The following NDC1 variants were observed in gnomAD, a reference collection of about 807,000 sequenced individuals.
NDC1 encodes NDC1 transmembrane nucleoporin.
Under a neutral mutation model 89.8 loss-of-function variants are expected in NDC1, and 24 were observed. The ratio of observed to expected loss-of-function variants is 0.27; its 90% CI spans 0.19 to 0.38. The LOEUF (loss-of-function observed/expected upper bound fraction) is 0.38, where lower values mean the gene tolerates loss of function less well. NDC1 is among the 10% of genes least tolerant of loss of function. NDC1 has a pLI of 1.00. For synonymous variants in NDC1, 296 were observed against 284.8 expected, an observed-to-expected ratio of 1.04 and a Z score of -0.39; for missense variants, 728 against 797.6, an observed-to-expected ratio of 0.91 and a Z score of 1.05.
At chr1:53,835,164 C>T (rs1052580480) in intron 2 of NDC1, among the ~76,000 whole-genome samples, 3 of 152,140 alleles carry the variant, frequency 2.0e-5, no homozygotes, top group African/African-American at 4.8e-5. Context: ...AATTTCGAAT[C>T]GATGACAGGA....
intron 2 of NDC1, among the ~76,000 whole-genome samples, chr1:53,833,011 C>T (rs1649113815): frequency 6.6e-6 from 1 of 151,782 alleles, no homozygotes; most frequent in Non-Finnish European, 1.5e-5. Flanking sequence ...GACCTTGTTT[C>T]AAAAACAAAG....
rs151303092 is a variant in NDC1, at chr1:53,825,872, C to G, written c.520G>C (p.Ala174Pro). 1.6e-5 allele frequency: 26 copies of G among 1,611,334 alleles called. No homozygotes were observed. The highest frequency in any genetic ancestry group is 1.5e-4 in the Admixed American group (9 of 59,496). ...EYHLFFLLTG[A>P]FMGYSYSLLY... ...AGGCTATAGCTATAGCCCATAAATG[C>G]TCCAGTCAGTAGGAAAAAAAGATGA... is the stretch of plus-strand genomic sequence containing the variant. Residue 174 changes from alanine to proline, a missense_variant, in exon 5 of 18, where the codon GCA becomes CCA. Physicochemically the swap from Ala to Pro is conservative, Grantham distance 27 (BLOSUM62 -1). Transcript: ENST00000371429.
At chr1:53,784,249 A>G (rs1185798021) in intron 16 of NDC1, among the ~76,000 whole-genome samples, 3 of 151,792 alleles carry the variant, frequency 2.0e-5, no homozygotes, top group Admixed American at 6.6e-5. Context: ...ACACACACAC[A>G]CGCACACACT....
intron 15 of NDC1, among the ~76,000 whole-genome samples, chr1:53,788,286 T>TC (rs1462761599): frequency 2.6e-5 from 4 of 152,050 alleles, no homozygotes; most frequent in African/African-American, 7.2e-5. Flanking sequence ...ACAGCAAGAC[T>TC]CCATCTCTTC....
chr1:53,799,646 T>C (rs1204721477), intron 11 of NDC1, among the ~76,000 whole-genome samples: 1 of 152,198 alleles, frequency 6.6e-6, no homozygotes, highest in Admixed American at 6.5e-5. Flanking sequence ...GAAGTTCACA[T>C]ATGGGATCCA....
Position 53,809,697 on chromosome 1 carries a change from A to T in NDC1, c.753T>A (p.Asp251Glu). ...TAGACTTTTTAGGTATCACTTACTCATCTATGTGAAGGTTCATAGCAGTGC... is the reference window on the plus strand; with the variant it reads ...TAGACTTTTTAGGTATCACTTACTCTTCTATGTGAAGGTTCATAGCAGTGC... ...WISTAMNLHI[D>E]EQVHRPLDTV... Residue 251 changes from aspartate (D) to glutamate (E), a missense_variant and splice_region_variant, in exon 7 of 18, where the codon GAT becomes GAA. By Grantham distance (45) the Asp-to-Glu change is conservative. Transcript: ENST00000371429. The T allele has an allele frequency of 6.2e-7, 1 of 1,605,146 alleles. No individual in the cohort carries two copies. Among genetic ancestry groups the T allele is most frequent in the Non-Finnish European group, 8.5e-7 (1 of 1,172,322 alleles).
intron 16 of NDC1, among the ~76,000 whole-genome samples, chr1:53,772,955 C>T (rs923547784): frequency 6.6e-6 from 1 of 151,616 alleles, no homozygotes; most frequent in African/African-American, 2.4e-5. Context: ...GTTACCAGGC[C>T]CCCCCCAAAA....
rs747333745 is a variant in NDC1 at position 53,819,088 on chromosome 1, A to G, written c.595-9T>C. 101 of 1,083,756 alleles carry G rather than the reference A, an allele frequency of 9.3e-5. No individual in the cohort carries two copies. The highest frequency in any genetic ancestry group is 1.2e-4 in the Non-Finnish European group (90 of 759,796). 67.1% of individuals were successfully genotyped at this position (1,083,756 alleles called of 1,614,324 possible). A position where few individuals can be genotyped will look rare whatever the true frequency, so the allele number is the denominator to read the frequency against. ...CGCAAGAACTTGTATTGCTGTGGGG[A>G]AAAAAAAAAGAATCAAATGACACAT... On this transcript the variant is annotated splice_polypyrimidine_tract_variant and intron_variant, in intron 5 of 17. Coordinates refer to ENST00000371429, the MANE Select transcript of NDC1 (RefSeq NM_018087.5).
intron 10 of NDC1, among the ~76,000 whole-genome samples, chr1:53,802,883 TA>T (rs1345885624): frequency 6.6e-6 from 1 of 152,104 alleles, no homozygotes; most frequent in Admixed American, 6.5e-5. Flanking sequence ...AATTTTTTTT[TA>T]AAAGGAGGCA....
In NDC1 at chr1:53,838,255, T is replaced by C. The variant is rs1649308125; in HGVS notation, c.7A>G (p.Thr3Ala). The C allele has an allele frequency of 6.5e-7, 1 of 1,537,112 alleles. No homozygotes were observed. The highest frequency in any genetic ancestry group is 1.4e-5 in the African/African-American group (1 of 72,724). The part of the protein sequence containing the change: MA[T>A]AVSRPCAGRS... ...CCGGCGCAGGGCCGGCTCACGGCCG[T>C]GGCCATGGAGATGGCGGCCCCTAGT... Residue 3 changes from threonine to alanine, a missense_variant, in exon 1 of 18, where the codon ACG becomes GCG. By Grantham distance (58) the Thr-to-Ala change is moderately conservative. Coordinates refer to ENST00000371429, the MANE Select transcript of NDC1 (RefSeq NM_018087.5).
rs1324512824 is a variant in NDC1 at position 53,767,504 on chromosome 1, C to A, written c.*466G>T. ...TTTTGTGAATATTGCTGCACTGTTACCATTTTTATCCTTCAGTAAATGAAA... is the reference window on the plus strand; with the variant it reads ...TTTTGTGAATATTGCTGCACTGTTAACATTTTTATCCTTCAGTAAATGAAA... On this transcript the variant is annotated 3_prime_UTR_variant, in exon 18 of 18. Transcript: ENST00000371429. 3.3e-5 allele frequency: 5 copies of A among 152,232 alleles called. No homozygotes were observed. The highest frequency in any genetic ancestry group is 1.2e-4 in the African/African-American group (5 of 41,418). 9.4% of individuals were successfully genotyped at this position (152,232 alleles called of 1,614,324 possible).
At chr1:53,830,425 G>T (rs1289017618) in intron 3 of NDC1, among the ~76,000 whole-genome samples, 1 of 152,094 alleles carries the variant, frequency 6.6e-6, no homozygotes, top group Non-Finnish European at 1.5e-5. Flanking sequence ...CTGCACTCCA[G>T]CCTGGGCGAC....
intron 5 of NDC1, among the ~76,000 whole-genome samples, chr1:53,825,463 G>C (rs917774951): frequency 8.6e-6 from 1 of 115,632 alleles, no homozygotes; most frequent in African/African-American, 5.3e-5. Flanking sequence ...CAAAAAAAAA[G>C]AAGCTACACA....
intron 16 of NDC1, among the ~76,000 whole-genome samples, chr1:53,776,600 A>G (rs1260960022): frequency 6.6e-6 from 1 of 152,186 alleles, no homozygotes; most frequent in African/African-American, 2.4e-5. Context: ...TTTTATTTCT[A>G]TTGGACAGAA....
At position 53,807,783 on chromosome 1, in the gene NDC1, T is replaced by C. The variant is rs1280389837; in HGVS notation, c.764A>G (p.His255Arg). 9 of 1,594,070 alleles carry C rather than the reference T, an allele frequency of 5.6e-6. No homozygotes were observed. The East Asian group carries it at 1.8e-4, about 32-fold the overall frequency. The stretch of plus-strand genomic sequence containing the variant: ...GCCACTCACTGTGTCAAGTGGCCTA[T>C]GAACCTGCCTGTGAATGCAGAAATT... ...AMNLHIDEQV[H>R]RPLDTVSGLL... Residue 255 changes from histidine to arginine, a missense_variant, in exon 8 of 18, where the codon CAT (histidine) becomes CGT (arginine). By Grantham distance (29) the His-to-Arg change is conservative. Transcript: ENST00000371429.
In NDC1 at chr1:53,768,024, T is replaced by C. The variant is rs776971958; in HGVS notation, c.1971A>G (p.Gln657=). ...TTFGEHLNAV[Q]ASAEHQKRLQ... The stretch of plus-strand genomic sequence containing the variant: ...GTCTTTTCTGATGTTCTGCAGATGC[T>C]TGCACAGCACTAAATGAAACATAAA... Residue 657 remains glutamine (Q), a synonymous_variant, in exon 18 of 18, where the codon CAA becomes CAG. Coordinates refer to ENST00000371429, the MANE Select transcript of NDC1 (RefSeq NM_018087.5). 1.9e-6 allele frequency: 3 copies of C among 1,604,532 alleles called. No homozygotes were observed. Among genetic ancestry groups the C allele is most frequent in the South Asian group, 1.1e-5 (1 of 89,244 alleles).
Position 53,835,564 on chromosome 1 carries a change from G to C in NDC1, c.114C>G (p.Ile38Met). The C allele has an allele frequency of 6.2e-7, 1 of 1,612,936 alleles. No homozygotes were observed. Among genetic ancestry groups the C allele is most frequent in the Non-Finnish European group, 8.5e-7 (1 of 1,179,022 alleles). ...SIVWSVLFLP[I>M]CTTVFIIFSR... ...TGAAAATTATAAATACTGTGGTGCA[G>C]ATGGGTAGAAATAGCACTGACCAAA... Residue 38 changes from isoleucine (I) to methionine (M), a missense_variant, in exon 2 of 18, where the codon ATC becomes ATG. Physicochemically the swap from Ile to Met is conservative, Grantham distance 10. Transcript: ENST00000371429.
chr1:53,772,506 A>C lies in NDC1; in HGVS notation c.1801-17T>G, dbSNP rs919344389. The C allele has an allele frequency of 8.1e-6, 13 of 1,610,880 alleles. No homozygotes were observed. The highest frequency in any genetic ancestry group is 1.1e-5 in the Non-Finnish European group (13 of 1,178,150). On this transcript the variant is annotated splice_polypyrimidine_tract_variant and intron_variant, in intron 16 of 17. Transcript: ENST00000371429. Reference sequence around the variant, plus strand: ...GTCGACTGCCTACACCAAGAAAGAAAACACATCAGTTTAGATTATAAAGAA... The same window carrying C: ...GTCGACTGCCTACACCAAGAAAGAACACACATCAGTTTAGATTATAAAGAA...
intron 16 of NDC1, among the ~76,000 whole-genome samples, chr1:53,780,264 G>A (rs1419507472): frequency 6.6e-6 from 1 of 152,078 alleles, no homozygotes; most frequent in African/African-American, 2.4e-5. Flanking sequence ...AGTAGAGATA[G>A]GGTTTCACCA....
Sources: gnomAD v4.1 joint callset for allele counts (sites outside exome capture counted in the v4.1 genomes callset) on GRCh38, gnomAD v4.1.1 for gene constraint, MANE v1.5 for transcripts, NCBI Gene and HGNC (gene_info 2026-07-23, HGNC 2026-07-21) for gene names.